KCNB2: variants seen among roughly 807,000 people sequenced by gnomAD.
KCNB2 encodes the protein delayed rectifier potassium channel protein.
A neutral mutation model predicts 61.5 loss-of-function variants in KCNB2; 15 were observed. That is an observed-to-expected ratio of 0.24 (90% CI 0.16 to 0.38). The LOEUF (loss-of-function observed/expected upper bound fraction) is 0.38, where lower values mean the gene tolerates loss of function less well. Among genes scored for constraint, KCNB2 ranks in the 10% least tolerant of loss-of-function variants. The probability of loss-of-function intolerance (pLI) is 1.00; values close to 1 mark genes in which losing one functional copy is unlikely to be tolerated. For synonymous variants in KCNB2, 457 were observed against 446.0 expected (o/e 1.02, Z -0.31); for missense variants, 828 against 1,125.2 (o/e 0.74, Z 3.78).
chr8:72,904,448 GCAAA>G (rs1806138041), intron 2 of KCNB2, among the ~76,000 whole-genome samples: 1 of 151,956 alleles, frequency 6.6e-6, no homozygotes, highest in African/African-American at 2.4e-5. Context: ...GATCTGTGCA[GCAAA>G]CTACCATGGC....
At chr8:72,838,762 A>G (rs1239052371) in intron 2 of KCNB2, among the ~76,000 whole-genome samples, 1 of 152,036 alleles carries the variant, frequency 6.6e-6, no homozygotes, top group Non-Finnish European at 1.5e-5. Context: ...AACATGTAAA[A>G]TAAAGAAAAT....
At chr8:72,707,617 G>A (rs1209036510) in intron 2 of KCNB2, among the ~76,000 whole-genome samples, 3 of 152,136 alleles carry the variant, frequency 2.0e-5, no homozygotes, top group African/African-American at 7.2e-5. Context: ...CGGAAGTCCT[G>A]CCAACATTCA....
At chr8:72,773,113 C>T (rs1182532065) in intron 2 of KCNB2, among the ~76,000 whole-genome samples, 2 of 152,160 alleles carry the variant, frequency 1.3e-5, no homozygotes, top group African/African-American at 2.4e-5. Flanking sequence ...AAGAGTGACA[C>T]ATAAGATCTT....
At chr8:72,896,479 G>A (rs528879825) in intron 2 of KCNB2, among the ~76,000 whole-genome samples, 28 of 152,222 alleles carry the variant, frequency 1.8e-4, no homozygotes, top group Non-Finnish European at 4.0e-4. Flanking sequence ...GTTGAGCAAA[G>A]TCTCCTTTTC....
intron 2 of KCNB2, among the ~76,000 whole-genome samples, chr8:72,921,367 T>C (rs1200295123): frequency 2.6e-5 from 4 of 152,178 alleles, no homozygotes; most frequent in African/African-American, 9.7e-5. Context: ...TGTGAAAAAA[T>C]GCTGTTCTGA....
At chr8:72,816,264 C>T (rs900906564) in intron 2 of KCNB2, among the ~76,000 whole-genome samples, 1 of 152,174 alleles carries the variant, frequency 6.6e-6, no homozygotes, top group Admixed American at 6.5e-5. Context: ...CAAATTTAAG[C>T]TAGATCCCTG....
At chr8:72,818,914 C>A (rs1339400609) in intron 2 of KCNB2, among the ~76,000 whole-genome samples, 1 of 152,170 alleles carries the variant, frequency 6.6e-6, no homozygotes, top group Non-Finnish European at 1.5e-5. Context: ...ACCTAAACAA[C>A]TGCAGGGTTG....
At chr8:72,904,522 T>C (rs1391741621) in intron 2 of KCNB2, among the ~76,000 whole-genome samples, 1 of 152,026 alleles carries the variant, frequency 6.6e-6, no homozygotes, top group Non-Finnish European at 1.5e-5. Context: ...AACTTAAAAG[T>C]TGGACATTTT....
chr8:72,641,497 T>C (rs571399640), intron 2 of KCNB2, among the ~76,000 whole-genome samples: 1 of 152,242 alleles, frequency 6.6e-6, no homozygotes, highest in African/African-American at 2.4e-5. Flanking sequence ...TACTAAGGCT[T>C]CCAGTCCTTT....
At chr8:72,619,084 CTTTT>C (rs1805666151) in intron 2 of KCNB2, 1 of 293,958 alleles carries the variant, frequency 3.4e-6, no homozygotes, top group Non-Finnish European at 6.6e-6. Flanking sequence ...TTGAGATCCT[CTTTT>C]TGACATTTTT....
Position 72,576,236 on chromosome 8 carries a change from G to A in KCNB2, c.579+7923G>A, listed in dbSNP as rs78096824. Among the ~76,000 whole-genome samples, 6 of 152,254 alleles carry A rather than the reference G, an allele frequency of 3.9e-5. No homozygotes were observed. The East Asian group carries it at 5.8e-4, about 15-fold the overall frequency. On this transcript the variant is annotated intron_variant, in intron 2 of 2. Transcript: ENST00000523207. ...ATAACCCCAGAGTTCCATGGCATTC[G>A]GTAATCTGTAATGCCCTGAGGCATA...
chr8:72,936,913 T>G lies in KCNB2; in HGVS notation c.1558T>G (p.Ser520Ala). 6.2e-7 allele frequency: 1 copy of G among 1,613,898 alleles called. No individual in the cohort carries two copies. The highest frequency in any genetic ancestry group is 8.5e-7 in the Non-Finnish European group (1 of 1,179,984). ...GTACCAGGAGGTTAGCCAAAAAGACTCCCACGAGCAGCTGAACAACACGTC... is the reference window on the plus strand; with the variant it reads ...GTACCAGGAGGTTAGCCAAAAAGACGCCCACGAGCAGCTGAACAACACGTC... ...NKYQEVSQKD[S>A]HEQLNNTSSS... Residue 520 changes from serine (S) to alanine (A), a missense_variant, in exon 3 of 3, where the codon TCC becomes GCC. By Grantham distance (99) the Ser-to-Ala change is moderately conservative. Transcript: ENST00000523207. This position sits in a 1 kb window ranked among gnomAD's most constrained non-coding sequence, Gnocchi z 5.6.
At chr8:72,621,717 C>T (rs1325957751) in intron 2 of KCNB2, among the ~76,000 whole-genome samples, 1 of 152,152 alleles carries the variant, frequency 6.6e-6, no homozygotes, top group Non-Finnish European at 1.5e-5. Context: ...CAGAAATAAT[C>T]TGGCGTTAAC....
At chr8:72,926,430 CT>C (rs1327145130) in intron 2 of KCNB2, among the ~76,000 whole-genome samples, 3 of 151,780 alleles carry the variant, frequency 2.0e-5, no homozygotes, top group East Asian at 3.9e-4. Context: ...TTTATCATTT[CT>C]TTTTTTTATA....
At chr8:72,868,075 A>ACT (rs1364002678) in intron 2 of KCNB2, among the ~76,000 whole-genome samples, 5 of 135,384 alleles carry the variant, frequency 3.7e-5, no homozygotes, top group African/African-American at 1.4e-4. Context: ...TTTATTATTT[A>ACT]TTTTTTTTTT....
chr8:72,568,295 C>T lies in KCNB2; in HGVS notation c.561C>T (p.Asn187=), dbSNP rs1167726689. 3 of 1,611,350 alleles carry T rather than the reference C, an allele frequency of 1.9e-6. No homozygotes were observed. Among genetic ancestry groups the T allele is most frequent in the Non-Finnish European group, 1.7e-6 (2 of 1,179,224 alleles). ...TGTGGGACTTGCTGGAGAAACCTAACTCATCAGTGGCTGCAAAGGTATGAA... is the reference window on the plus strand; with the variant it reads ...TGTGGGACTTGCTGGAGAAACCTAATTCATCAGTGGCTGCAAAGGTATGAA... ...KKLWDLLEKP[N]SSVAAKILAI... The change falls in exon 2 of 3, where the codon AAC becomes AAT. Residue 187 remains asparagine, a synonymous_variant. Coordinates refer to ENST00000523207, the MANE Select transcript of KCNB2 (RefSeq NM_004770.3).
At chr8:72,746,947 T>C (rs1404514615) in intron 2 of KCNB2, among the ~76,000 whole-genome samples, 1 of 152,180 alleles carries the variant, frequency 6.6e-6, no homozygotes, top group Non-Finnish European at 1.5e-5. Flanking sequence ...GTTTTTCTGA[T>C]CACAATTCCT....
At chr8:72,772,242 G>A (rs1235175517) in intron 2 of KCNB2, among the ~76,000 whole-genome samples, 1 of 152,184 alleles carries the variant, frequency 6.6e-6, no homozygotes, top group African/African-American at 2.4e-5. Flanking sequence ...CCACAGGCGT[G>A]AGTTAAGCCA....
intron 2 of KCNB2, among the ~76,000 whole-genome samples, chr8:72,654,651 A>C (rs1194864140): frequency 6.6e-6 from 1 of 152,186 alleles, no homozygotes; most frequent in East Asian, 1.9e-4. Flanking sequence ...CTGCTTTTTC[A>C]GATTCTTCAA....
Sources: gnomAD v4.1 joint callset for allele counts (sites outside exome capture counted in the v4.1 genomes callset) on GRCh38, gnomAD v4.1.1 for gene constraint, Gnocchi (gnomAD v3.1) non-coding constraint, MANE v1.5 for transcripts, NCBI Gene and HGNC (gene_info 2026-07-23, HGNC 2026-07-21) for gene names.